PRKAG2: variants seen among roughly 807,000 people sequenced by gnomAD.
The protein encoded by PRKAG2 is protein kinase AMP-activated non-catalytic subunit gamma 2.
A neutral mutation model predicts 69.6 loss-of-function variants in PRKAG2; 26 were observed. The observed-to-expected ratio is 0.37, with a 90% CI of 0.27 to 0.52. The LOEUF is 0.52. PRKAG2 is among the 20% of genes least tolerant of loss of function. The probability of loss-of-function intolerance (pLI) is 0.90; values close to 1 mark genes in which losing one functional copy is unlikely to be tolerated. For missense variants in PRKAG2, 557 were observed against 740.0 expected, an observed-to-expected ratio of 0.75 and a Z score of 2.87; for synonymous variants, 293 against 285.0, an observed-to-expected ratio of 1.03 and a Z score of -0.28.
chr7:151,854,338 C>G (rs898457819), intron 1 of PRKAG2, among the ~76,000 whole-genome samples: 2 of 152,242 alleles, frequency 1.3e-5, no homozygotes, highest in African/African-American at 4.8e-5. Context: ...CACGTGTGCA[C>G]ACATAACCCT....
At position 151,807,209 on chromosome 7, in the gene PRKAG2, A is replaced by G. The variant is rs1222107258; in HGVS notation, c.115-20668T>C. On this transcript the variant is annotated intron_variant, in intron 1 of 15. Transcript: ENST00000287878. This position sits in a 1 kb window ranked among gnomAD's most constrained non-coding sequence, Gnocchi z 4.4. ...CATCTAATTGTATACTGTCAGTCAA[A>G]GGGCATTATATGTAAATCACACCTC... Among the ~76,000 whole-genome samples, 2 of 152,214 alleles carry G rather than the reference A, an allele frequency of 1.3e-5. No individual in the cohort carries two copies. Among genetic ancestry groups the G allele is most frequent in the Non-Finnish European group, 2.9e-5 (2 of 68,040 alleles).
intron 3 of PRKAG2, among the ~76,000 whole-genome samples, chr7:151,701,703 C>G (rs1585885237): frequency 6.6e-6 from 1 of 152,040 alleles, no homozygotes; most frequent in East Asian, 1.9e-4. Context: ...ATTAGCCGGC[C>G]TGGTGGTGGG....
intron 1 of PRKAG2, chr7:151,809,159 C>T (rs1038366094): frequency 2.3e-6 from 1 of 441,364 alleles, no homozygotes; most frequent in Non-Finnish European, 4.6e-6. Context: ...TGCGTAAATG[C>T]CTGCCTTGGG....
intron 3 of PRKAG2, among the ~76,000 whole-genome samples, chr7:151,754,893 C>T (rs1052066434): frequency 1.3e-5 from 2 of 152,058 alleles, no homozygotes; most frequent in African/African-American, 2.4e-5. Context: ...GTTGGAGCAG[C>T]GACCTGAAGG....
In PRKAG2 at chr7:151,565,860, A is replaced by G; in HGVS notation, c.1259T>C (p.Phe420Ser). The G allele has an allele frequency of 6.2e-7, 1 of 1,613,872 alleles. No homozygotes were observed. Among genetic ancestry groups the G allele is most frequent in the Non-Finnish European group, 8.5e-7 (1 of 1,179,712 alleles). Residue 420 changes from phenylalanine to serine, a missense_variant, in exon 12 of 16, where the codon TTC becomes TCC. Physicochemically the swap from Phe to Ser is radical, Grantham distance 155. Around this residue, in one of 2 missense-constraint regions of PRKAG2, gnomAD observed 205 missense variants for 383.4 expected, o/e 0.53. Coordinates refer to ENST00000287878, the MANE Select transcript of PRKAG2 (RefSeq NM_016203.4). ...AAGCTCATCCAGGTTCTGCTTCATG[A>G]AGGCAGGCTTTGGCATATCAGACAT... ...LFMSDMPKPA[F>S]MKQNLDELGI...
intron 3 of PRKAG2, chr7:151,736,468 G>T: frequency 1.1e-6 from 1 of 882,916 alleles, no homozygotes; most frequent in Non-Finnish European, 1.4e-6. Flanking sequence ...TGCAAGTCAT[G>T]TGCAGCCGTG....
intron 3 of PRKAG2, among the ~76,000 whole-genome samples, chr7:151,741,148 G>A (rs978993859): frequency 1.3e-5 from 2 of 152,050 alleles, no homozygotes; most frequent in African/African-American, 4.8e-5. Flanking sequence ...GGGAGGTCCA[G>A]GCTCTAGTGA....
intron 3 of PRKAG2, among the ~76,000 whole-genome samples, chr7:151,715,740 G>A (rs945082007): frequency 6.6e-6 from 1 of 152,100 alleles, no homozygotes; most frequent in African/African-American, 2.4e-5. Flanking sequence ...TAGGGGGAAG[G>A]CTGAAGAATT....
intron 1 of PRKAG2, among the ~76,000 whole-genome samples, chr7:151,847,136 G>A (rs1428458071): frequency 2.6e-5 from 4 of 152,242 alleles, no homozygotes; most frequent in African/African-American, 4.8e-5. Flanking sequence ...CAGTGAAACC[G>A]CCTGGACTTT....
chr7:151,790,859 G>A (rs963351406), intron 1 of PRKAG2, among the ~76,000 whole-genome samples: 2 of 152,220 alleles, frequency 1.3e-5, no homozygotes, highest in African/African-American at 4.8e-5. Flanking sequence ...AACTGAGGCC[G>A]AGGAGGTTCA....
chr7:151,630,409 G>A (rs4725417), intron 5 of PRKAG2, among the ~76,000 whole-genome samples: 13,550 of 152,236 alleles, frequency 0.089, 791 homozygotes, highest in Middle Eastern at 0.13. Flanking sequence ...TGGCACTTAA[G>A]CGATAATAGT....
rs757274680 is a variant in PRKAG2 at position 151,781,469 on chromosome 7, G to C, written c.187-38C>G. The C allele has an allele frequency of 6.4e-7, 1 of 1,571,834 alleles. No homozygotes were observed. The highest frequency in any genetic ancestry group is 8.6e-7 in the Non-Finnish European group (1 of 1,160,448). On this transcript the variant is annotated intron_variant, in intron 2 of 15. Coordinates refer to ENST00000287878, the MANE Select transcript of PRKAG2 (RefSeq NM_016203.4). This position sits in a 1 kb window ranked among gnomAD's most constrained non-coding sequence, Gnocchi z 6.1. ...AGACGAATGGATGCAGTCACTCCAC[G>C]CTCTGGACACGCTGCCTCCTGCCCT...
At chr7:151,561,606 C>T (rs974940217) in intron 14 of PRKAG2, among the ~76,000 whole-genome samples, 2 of 152,180 alleles carry the variant, frequency 1.3e-5, no homozygotes, top group East Asian at 1.9e-4. Context: ...GCCTTTCACC[C>T]GCAGGAAGGG....
chr7:151,585,656 C>T (rs765778389), intron 6 of PRKAG2, among the ~76,000 whole-genome samples: 5 of 152,260 alleles, frequency 3.3e-5, no homozygotes, highest in Middle Eastern at 3.4e-3. Flanking sequence ...TTCTGCGTTT[C>T]GATTATTATC....
chr7:151,764,426 C>T (rs1471680849), intron 3 of PRKAG2, among the ~76,000 whole-genome samples: 2 of 152,186 alleles, frequency 1.3e-5, no homozygotes. Flanking sequence ...TTTAAGCTAA[C>T]AAACACTCAA....
chr7:151,796,578 T>C (rs547485345), intron 1 of PRKAG2, among the ~76,000 whole-genome samples: 1 of 152,294 alleles, frequency 6.6e-6, no homozygotes, highest in Non-Finnish European at 1.5e-5. Flanking sequence ...GTGTCTGTCA[T>C]GGCATCTTGT....
intron 6 of PRKAG2, among the ~76,000 whole-genome samples, chr7:151,579,575 G>A (rs561140279): frequency 1.3e-5 from 2 of 152,250 alleles, no homozygotes; most frequent in South Asian, 2.1e-4. Flanking sequence ...TGGATTCTGG[G>A]AGCTACAATT....
rs914731339 is a variant in PRKAG2, at chr7:151,836,875, G to A, written c.114+39632C>T. 6.6e-6 allele frequency among the ~76,000 whole-genome samples: 1 copy of A among 152,206 alleles called. No individual in the cohort carries two copies. Among genetic ancestry groups the A allele is most frequent in the South Asian group, 2.1e-4 (1 of 4,834 alleles). On this transcript the variant is annotated intron_variant, in intron 1 of 15. Transcript: ENST00000287878. The surrounding 1 kb of genome is among the most constrained non-coding windows in gnomAD (Gnocchi z 4.1). ...CAGTTCTTGGATCATCCACAACAGC[G>A]GAAGCAGAACAGAGTGAGCACTCCA...
intron 3 of PRKAG2, among the ~76,000 whole-genome samples, chr7:151,691,700 C>T (rs909011484): frequency 6.6e-6 from 1 of 152,200 alleles, no homozygotes. Flanking sequence ...AACAGGAACT[C>T]TCATTTGTCA....
Sources: allele counts gnomAD v4.1 joint callset (sites outside exome capture counted in the v4.1 genomes callset), GRCh38; gene constraint gnomAD v4.1.1; regional missense constraint gnomAD v4.1.1; non-coding constraint Gnocchi (gnomAD v3.1); transcripts MANE v1.5; gene names NCBI Gene and HGNC (gene_info 2026-07-23, HGNC 2026-07-21).